Variants in ZNF362 observed in about 807,000 individuals in gnomAD.
The protein encoded by ZNF362 is zinc finger protein 362.
In ZNF362, 11 loss-of-function variants were observed where a neutral mutation model predicts 42.9. That is an observed-to-expected ratio of 0.26 (90% confidence interval 0.16 to 0.42). The LOEUF (loss-of-function observed/expected upper bound fraction) is 0.42. Among genes scored for constraint, ZNF362 ranks in the 20% least tolerant of loss-of-function variants. The probability of loss-of-function intolerance (pLI) is 1.00; values close to 1 mark genes in which losing one functional copy is unlikely to be tolerated. For missense variants in ZNF362, 362 were observed against 576.2 expected (o/e 0.63, Z 3.81); for synonymous variants, 255 against 257.3 (o/e 0.99, Z 0.09).
Position 33,280,074 on chromosome 1 carries a change from T to C in ZNF362, c.350-50T>C. 1.7e-5 allele frequency: 25 copies of C among 1,510,740 alleles called. No individual in the cohort carries two copies. The highest frequency in any genetic ancestry group is 2.2e-5 in the Non-Finnish European group (25 of 1,128,694). 93.6% of individuals were successfully genotyped at this position (1,510,740 alleles called of 1,614,324 possible). On this transcript the variant is annotated intron_variant, in intron 4 of 8. Transcript: ENST00000539719. The surrounding 1 kb of genome is among the most constrained non-coding windows in gnomAD (Gnocchi z 5.6). ...CACATAGCTGGGTGGGCAGCTGAGC[T>C]GGCCTCTGCAGCTCCGCTCACCCCT...
At chr1:33,138,586 T>C in the ZNF362 span, among the ~76,000 whole-genome samples, 149 of 143,696 alleles carry the variant, frequency 1.0e-3, no homozygotes, top group African/African-American at 3.2e-3. Flanking sequence ...CATTCCAGTC[T>C]GGGTGACAGA....
the ZNF362 span, among the ~76,000 whole-genome samples, chr1:33,157,857 A>T: frequency 6.6e-6 from 1 of 152,028 alleles, no homozygotes; most frequent in Admixed American, 6.6e-5. Flanking sequence ...CCTGGGTTCA[A>T]GCAATTCTCC....
intron 6 of ZNF362, among the ~76,000 whole-genome samples, chr1:33,288,197 C>T (rs940255428): frequency 6.6e-6 from 1 of 152,146 alleles, no homozygotes; most frequent in African/African-American, 2.4e-5. Context: ...TCACCTGCCC[C>T]AGGTTACCCG....
the ZNF362 span, among the ~76,000 whole-genome samples, chr1:33,154,538 G>A: frequency 3.3e-5 from 5 of 151,996 alleles, no homozygotes; most frequent in Admixed American, 6.6e-5. Context: ...GGTGGCTCAC[G>A]CCTGTAATCC....
At chr1:33,203,344 C>T in the ZNF362 span, among the ~76,000 whole-genome samples, 1 of 152,160 alleles carries the variant, frequency 6.6e-6, no homozygotes, top group African/African-American at 2.4e-5. Context: ...CATATATGTG[C>T]ACCATGGTTT....
At chr1:33,132,869 G>C in the ZNF362 span, among the ~76,000 whole-genome samples, 1 of 152,200 alleles carries the variant, frequency 6.6e-6, no homozygotes, top group Non-Finnish European at 1.5e-5. Flanking sequence ...TAAAATTAGC[G>C]GCATGAGAGG....
the ZNF362 span, among the ~76,000 whole-genome samples, chr1:33,144,135 C>CTTTTTTT: frequency 6.8e-6 from 1 of 146,514 alleles, no homozygotes. Context: ...AATGTTACTT[C>CTTTTTTT]TTTTTTTTTT....
chr1:33,216,850 A>G, the ZNF362 span, among the ~76,000 whole-genome samples: 1 of 151,772 alleles, frequency 6.6e-6, no homozygotes, highest in Non-Finnish European at 1.5e-5. Flanking sequence ...GGGCTGGGCA[A>G]GGGCTGCAAA....
At chr1:33,189,708 C>CAT in the ZNF362 span, among the ~76,000 whole-genome samples, 1 of 7,250 alleles carries the variant, frequency 1.4e-4, no homozygotes, top group African/African-American at 3.6e-4. Flanking sequence ...CACATATATA[C>CAT]GTATATATAT....
At chr1:33,196,435 A>C in the ZNF362 span, among the ~76,000 whole-genome samples, 1 of 152,106 alleles carries the variant, frequency 6.6e-6, no homozygotes, top group African/African-American at 2.4e-5. Context: ...AAACATATGC[A>C]TTAGCCTAGG....
At chr1:33,221,566 A>G in the ZNF362 span, among the ~76,000 whole-genome samples, 1 of 152,348 alleles carries the variant, frequency 6.6e-6, no homozygotes, top group East Asian at 1.9e-4. Flanking sequence ...TTTAATCCTC[A>G]CAGCTTGCGC....
intron 6 of ZNF362, among the ~76,000 whole-genome samples, chr1:33,288,785 G>A (rs1357662978): frequency 7.4e-6 from 1 of 135,086 alleles, no homozygotes; most frequent in Non-Finnish European, 1.6e-5. Context: ...CCTAGAGTCA[G>A]GGGTGGACTT....
At chr1:33,190,431 C>T in the ZNF362 span, among the ~76,000 whole-genome samples, 1 of 152,176 alleles carries the variant, frequency 6.6e-6, no homozygotes, top group African/African-American at 2.4e-5. Context: ...GTAGGAACTC[C>T]AGTTCCCTAG....
chr1:33,181,220 G>T, the ZNF362 span: 12 of 1,574,614 alleles, frequency 7.6e-6, no homozygotes, highest in African/African-American at 1.5e-4. This position sits in a 1 kb window ranked among gnomAD's most constrained non-coding sequence, Gnocchi z 6.5. Context: ...AGCGCTCCAC[G>T]ATGTTGGCCA....
chr1:33,258,983 C>G (rs1645812170), intron 1 of ZNF362, among the ~76,000 whole-genome samples: 2 of 152,174 alleles, frequency 1.3e-5, no homozygotes, highest in Middle Eastern at 3.2e-3. Flanking sequence ...AAGGACTCTT[C>G]TAGGTTTTGG....
chr1:33,191,740 G>A, the ZNF362 span, among the ~76,000 whole-genome samples: 1 of 152,088 alleles, frequency 6.6e-6, no homozygotes, highest in Non-Finnish European at 1.5e-5. Context: ...CCTGACCTCA[G>A]GTGATTCACC....
chr1:33,263,320 A>G (rs1405594429), intron 1 of ZNF362, among the ~76,000 whole-genome samples: 2 of 152,184 alleles, frequency 1.3e-5, no homozygotes, highest in Non-Finnish European at 2.9e-5. Flanking sequence ...TTTGTGCTAG[A>G]TGCTGAGGAT....
At chr1:33,166,619 A>T in the ZNF362 span, among the ~76,000 whole-genome samples, 1 of 152,228 alleles carries the variant, frequency 6.6e-6, no homozygotes, top group African/African-American at 2.4e-5. Flanking sequence ...GCCCCATAGC[A>T]TACAGATAAA....
the ZNF362 span, among the ~76,000 whole-genome samples, chr1:33,233,893 C>G: frequency 1.3e-5 from 2 of 152,142 alleles, no homozygotes; most frequent in East Asian, 3.9e-4. Context: ...CTCTGTGTGC[C>G]TCACTTTCAC....
Sources: gnomAD v4.1 joint callset for allele counts (sites outside exome capture counted in the v4.1 genomes callset) on GRCh38, gnomAD v4.1.1 for gene constraint, Gnocchi (gnomAD v3.1) non-coding constraint, MANE v1.5 for transcripts, NCBI Gene and HGNC (gene_info 2026-07-23, HGNC 2026-07-21) for gene names.